The following TDRKH variants were observed in gnomAD, a reference collection of about 807,000 sequenced individuals.
The protein encoded by TDRKH is tudor and KH domain-containing protein.
A neutral mutation model predicts 61.3 loss-of-function variants in TDRKH; 28 were observed. That is an observed-to-expected ratio of 0.46 (90% CI 0.34 to 0.63). The LOEUF is 0.63. TDRKH is among the 20% of genes least tolerant of loss of function. The pLI, the probability that TDRKH is intolerant of heterozygous loss-of-function variation, is 0.01. For synonymous variants in TDRKH, 219 were observed against 244.4 expected, an observed-to-expected ratio of 0.90 and a Z score of 0.97; for missense variants, 540 against 683.4, an observed-to-expected ratio of 0.79 and a Z score of 2.34.
At chr1:151,767,441 T>G, downstream of TDRKH, 1 of 1,435,294 alleles carries the variant, frequency 7.0e-7, no homozygotes, top group Non-Finnish European at 9.2e-7. Context: ...ACTTGCTATA[T>G]AGACAAGCAT....
downstream of TDRKH, chr1:151,766,842 T>C (rs541784168): frequency 9.3e-6 from 15 of 1,612,398 alleles, no homozygotes; most frequent in African/African-American, 1.9e-4. Context: ...CTGTTACAAG[T>C]ACCGGATCAC....
intron 2 of TDRKH, 71 bp downstream of exon 2, chr1:151,782,828 G>GT (rs1205917120): frequency 8.1e-6 from 12 of 1,476,544 alleles, no homozygotes; most frequent in South Asian, 7.1e-5. Context: ...CAAGGAAAGA[G>GT]TTTTTTTCAA....
In TDRKH at chr1:151,790,435, C is replaced by T. The variant is rs1044113205; in HGVS notation, c.-83G>A. 2 of 153,264 alleles carry T rather than the reference C, an allele frequency of 1.3e-5. No homozygotes were observed. Among genetic ancestry groups the T allele is most frequent in the Admixed American group, 6.5e-5 (1 of 15,290 alleles). 9.5% of individuals were successfully genotyped at this position (153,264 alleles called of 1,614,324 possible). ...CTCCAGTCAGCCGTCGAGTGCGCCG[C>T]CTCGCGCCTCACCCCAGCTGCAGCC... On this transcript the variant is annotated 5_prime_UTR_variant, in exon 1 of 13. Coordinates refer to ENST00000368824, the MANE Select transcript of TDRKH (RefSeq NM_001083965.2).
At chr1:151,774,566 G>A in intron 12 of TDRKH, 62 bp from the exon 13 acceptor site, 1 of 1,603,724 alleles carries the variant, frequency 6.2e-7, no homozygotes, top group Non-Finnish European at 8.5e-7. Flanking sequence ...GGCAATGCCA[G>A]CGAGGCTCAA....
At chr1:151,786,671 A>G (rs988966906) in intron 1 of TDRKH, among the ~76,000 whole-genome samples, 3 of 152,206 alleles carry the variant, frequency 2.0e-5, no homozygotes, top group Non-Finnish European at 2.9e-5. Context: ...GAAGTTTGCC[A>G]AATCTATTTT....
At chr1:151,782,479 A>T (rs1003820043) in intron 2 of TDRKH, among the ~76,000 whole-genome samples, 1 of 151,702 alleles carries the variant, frequency 6.6e-6, no homozygotes, top group Admixed American at 6.6e-5. Flanking sequence ...AATTTTAGTC[A>T]AAGATTCCTC....
intron 2 of TDRKH, 47 bp from the exon 3 acceptor site, chr1:151,781,634 G>A (rs1209187345): frequency 1.3e-6 from 2 of 1,560,780 alleles, no homozygotes; most frequent in Non-Finnish European, 1.8e-6. Context: ...AACACCCAAA[G>A]CTAGTATAAC....
chr1:151,767,285 A>T (rs551393592), downstream of TDRKH: 34 of 1,613,754 alleles, frequency 2.1e-5, no homozygotes, highest in Middle Eastern at 1.8e-3. Flanking sequence ...CGACCAGCTT[A>T]AAGAACTGTA....
rs1648953102 is a variant in TDRKH, at chr1:151,774,455, GAGTA to G, written c.1679_1682del (p.Leu560SerfsTer16). 1.9e-6 allele frequency: 3 copies of G among 1,614,148 alleles called. No individual in the cohort carries two copies. Among genetic ancestry groups the G allele is most frequent in the Non-Finnish European group, 2.5e-6 (3 of 1,180,000 alleles). The stretch of plus-strand genomic sequence containing the variant: ...TGAGCAAACTGAAGCCCAGACTTCA[GAGTA>G]AGTAGTCATCTTCAAGGTTATCATC... On this transcript the variant is annotated frameshift_variant, in exon 13 of 13. Transcript: ENST00000368824. LOFTEE classifies it high-confidence loss of function.
downstream of TDRKH, among the ~76,000 whole-genome samples, chr1:151,768,667 T>A (rs1313186736): frequency 3.9e-5 from 6 of 151,910 alleles, no homozygotes; most frequent in South Asian, 2.1e-4. Flanking sequence ...GTTGGCCAAA[T>A]TTTTTTTTCC....
chr1:151,774,332 G>A lies in TDRKH; in HGVS notation c.*120C>T, dbSNP rs866888974. On this transcript the variant is annotated 3_prime_UTR_variant, in exon 13 of 13. Coordinates refer to ENST00000368824, the MANE Select transcript of TDRKH (RefSeq NM_001083965.2). The stretch of plus-strand genomic sequence containing the variant: ...AGAAGTATATTAAGACAGGGCATGG[G>A]AAAGAGGGAATCAAAGCAAGTGCCC... 1.0e-6 allele frequency: 1 copy of A among 984,978 alleles called. No homozygotes were observed. The highest frequency in any genetic ancestry group is 2.4e-5 in the Admixed American group (1 of 41,330). The allele number at this position is 984,978 out of a possible 1,614,324, so 61.0% of individuals were successfully genotyped here. A position where few individuals can be genotyped will look rare whatever the true frequency, so the allele number is the denominator to read the frequency against.
Position 151,774,362 on chromosome 1 carries a change from G to A in TDRKH, c.*90C>T. 1 of 1,393,108 alleles carries A rather than the reference G, an allele frequency of 7.2e-7. No individual in the cohort carries two copies. The highest frequency in any genetic ancestry group is 1.0e-6 in the Non-Finnish European group (1 of 998,960). The allele number at this position is 1,393,108 out of a possible 1,614,324, so 86.3% of individuals were successfully genotyped here. On this transcript the variant is annotated 3_prime_UTR_variant, in exon 13 of 13. Transcript: ENST00000368824. ...AGGGAATCAAAGCAAGTGCCCCACT[G>A]TCGCCCTCATTACTTTCCTGTTGCT... is the stretch of plus-strand genomic sequence containing the variant.
At position 151,774,729 on chromosome 1, in the gene TDRKH, C is replaced by G; in HGVS notation, c.1614G>C (p.Leu538=). Residue 538 remains leucine, a synonymous_variant, in exon 12 of 13, where the codon CTG becomes CTC. Transcript: ENST00000368824. ...TTGTACCTGATAAGCTGAGGCAGGA[C>G]AGGGTATGTGTTATCTCTCCAGAGC... is the stretch of plus-strand genomic sequence containing the variant. ...KKSSGEITHT[L]SCLSLSEAAS... 2.5e-6 allele frequency: 4 copies of G among 1,614,124 alleles called. No homozygotes were observed. The highest frequency in any genetic ancestry group is 3.4e-6 in the Non-Finnish European group (4 of 1,180,024).
downstream of TDRKH, chr1:151,767,232 T>TA (rs751904757): frequency 2.5e-6 from 4 of 1,613,874 alleles, no homozygotes; most frequent in African/African-American, 5.3e-5. Flanking sequence ...CCTGAGTCCC[T>TA]AGTAGGCCTC....
downstream of TDRKH, chr1:151,770,937 C>T: frequency 1.7e-6 from 2 of 1,204,400 alleles, no homozygotes; most frequent in Non-Finnish European, 2.2e-6. Flanking sequence ...GAGCCTAGGT[C>T]TGTTGGACTA....
chr1:151,789,670 T>C (rs1395277203), intron 1 of TDRKH, among the ~76,000 whole-genome samples: 1 of 152,214 alleles, frequency 6.6e-6, no homozygotes. Context: ...TCAAATAGGA[T>C]GTGATGAGAA....
downstream of TDRKH, among the ~76,000 whole-genome samples, chr1:151,772,607 A>T (rs1648781618): frequency 1.3e-5 from 2 of 152,162 alleles, no homozygotes; most frequent in African/African-American, 4.8e-5. Context: ...CCACATTACT[A>T]TACATTTATA....
Position 151,782,939 on chromosome 1 carries a change from T to A in TDRKH, c.84A>T (p.Thr28=), listed in dbSNP as rs767743266. The change falls in exon 2 of 13, where the codon ACA becomes ACT. Residue 28 remains threonine, a synonymous_variant. Coordinates refer to ENST00000368824, the MANE Select transcript of TDRKH (RefSeq NM_001083965.2). The part of the protein sequence containing the change: ...ALGLGIPASA[T]VAYILYRRYR... ...ACCTGCGGTATAGGATATAGGCAAC[T>A]GTTGCACTGGCTGGGATCCCAAGGC... The A allele has an allele frequency of 2.5e-6, 4 of 1,613,666 alleles. No individual in the cohort carries two copies. The South Asian group carries it at 4.4e-5, about 18-fold the overall frequency.
At chr1:151,778,052 A>G (rs1248786834) in intron 6 of TDRKH, among the ~76,000 whole-genome samples, 1 of 152,236 alleles carries the variant, frequency 6.6e-6, no homozygotes, top group Non-Finnish European at 1.5e-5. Flanking sequence ...CTAAGAGGTT[A>G]TAACAGAGCG....
Sources: allele counts gnomAD v4.1 joint callset (sites outside exome capture counted in the v4.1 genomes callset), GRCh38; gene constraint gnomAD v4.1.1; transcripts MANE v1.5; gene names NCBI Gene and HGNC (gene_info 2026-07-23, HGNC 2026-07-21).